Variants in SNX30 observed in about 807,000 individuals in gnomAD.
SNX30 encodes the protein sorting nexin family member 30.
SNX30 carries 24 observed loss-of-function variants against 46.4 expected under a neutral mutation model. The observed-to-expected ratio is 0.52, with a 90% CI of 0.37 to 0.73. The LOEUF (loss-of-function observed/expected upper bound fraction) is 0.73, where lower values mean the gene tolerates loss of function less well. Ranked by LOEUF, SNX30 falls within the 30% of genes least tolerant of loss-of-function variation. The probability of loss-of-function intolerance (pLI) is 0.00; values close to 1 mark genes in which losing one functional copy is unlikely to be tolerated. For synonymous variants in SNX30, 189 were observed against 211.5 expected, an observed-to-expected ratio of 0.89 and a Z score of 0.92; for missense variants, 533 against 555.7, an observed-to-expected ratio of 0.96 and a Z score of 0.41.
chr9:112,785,383 GTT>G (rs5900016), intron 1 of SNX30, among the ~76,000 whole-genome samples: 1,399 of 124,828 alleles, frequency 0.011, 12 homozygotes, highest in Non-Finnish European at 0.016. Context: ...GCCTGGCTAA[GTT>G]TTTTTTTTTT....
intron 1 of SNX30, among the ~76,000 whole-genome samples, chr9:112,769,626 G>T (rs1341059856): frequency 1.3e-5 from 2 of 152,120 alleles, no homozygotes; most frequent in Non-Finnish European, 2.9e-5. Context: ...TGTCTCCTTG[G>T]CTGGTTCCGT....
In SNX30 at chr9:112,864,976, C is replaced by T. The variant is rs574875232; in HGVS notation, c.1254+577C>T. On this transcript the variant is annotated intron_variant, in intron 8 of 8. Coordinates refer to ENST00000374232, the MANE Select transcript of SNX30 (RefSeq NM_001012994.2). ...CCCCTTGACCAGGTTAAGCAGCGCACGCACATGCGCGTGCACACACACACA... is the reference window on the plus strand; with the variant it reads ...CCCCTTGACCAGGTTAAGCAGCGCATGCACATGCGCGTGCACACACACACA... Among the ~76,000 whole-genome samples the T allele has an allele frequency of 3.2e-4, 33 of 103,932 alleles. 1 individual carries two copies. In the South Asian group the frequency reaches 1.0e-2, roughly 31 times the overall value. The allele number at this position is 103,932 out of a possible 152,430, so 68.2% of individuals were successfully genotyped here. A position where few individuals can be genotyped will look rare whatever the true frequency, so the allele number is the denominator to read the frequency against.
intron 6 of SNX30, among the ~76,000 whole-genome samples, chr9:112,849,127 A>T (rs1338965847): frequency 2.6e-5 from 4 of 152,150 alleles, no homozygotes; most frequent in Non-Finnish European, 5.9e-5. Context: ...TAAGCATCCC[A>T]CATGGCCCCT....
At chr9:112,883,695 CTTTTCTT>C (rs1564304279), downstream of SNX30, among the ~76,000 whole-genome samples, 1 of 111,232 alleles carries the variant, frequency 9.0e-6, no homozygotes, top group Non-Finnish European at 1.7e-5. Flanking sequence ...TTTCTTTTTT[CTTTTCTT>C]TTTTTTTTTT....
rs774396433 is a variant in SNX30, at chr9:112,836,369, C to T, written c.774C>T (p.Thr258=). The T allele has an allele frequency of 2.5e-6, 4 of 1,606,574 alleles. No individual in the cohort carries two copies. The highest frequency in any genetic ancestry group is 1.3e-5 in the African/African-American group (1 of 74,840). ...ATACATTTGCACTCAAACTGGGAACCATTGATCGAATAGCCCAGCGGATCA... is the reference window on the plus strand; with the variant it reads ...ATACATTTGCACTCAAACTGGGAACTATTGATCGAATAGCCCAGCGGATCA... The part of the protein sequence containing the change: ...YLDTFALKLG[T]IDRIAQRIIK... The change falls in exon 5 of 9, where the codon ACC becomes ACT. Residue 258 remains threonine, a synonymous_variant. Coordinates refer to ENST00000374232, the MANE Select transcript of SNX30 (RefSeq NM_001012994.2).
intron 8 of SNX30, 31 bp from the exon 9 acceptor site, chr9:112,868,753 C>A: frequency 3.1e-6 from 5 of 1,613,200 alleles, no homozygotes; most frequent in Non-Finnish European, 3.4e-6. Flanking sequence ...AAACTCAAAG[C>A]TGATACTGTG....
At chr9:112,806,217 TG>T (rs1262741978) in intron 2 of SNX30, among the ~76,000 whole-genome samples, 1 of 152,114 alleles carries the variant, frequency 6.6e-6, no homozygotes, top group Non-Finnish European at 1.5e-5. Context: ...CATTGCCAAA[TG>T]TTCCCTGGGG....
intron 8 of SNX30, among the ~76,000 whole-genome samples, chr9:112,865,657 A>ATGTGTGTGTGTGTGTGTGTGTGTG (rs1399648106): frequency 7.4e-5 from 6 of 81,428 alleles, no homozygotes; most frequent in Non-Finnish European, 1.2e-4. Flanking sequence ...ATATATATAT[A>ATGTGTGTGTGTGTGTGTGTGTGTG]TATATGTATG....
At chr9:112,781,798 A>ATT (rs34248700) in intron 1 of SNX30, among the ~76,000 whole-genome samples, 12 of 139,690 alleles carry the variant, frequency 8.6e-5, no homozygotes, top group East Asian at 4.2e-4. Context: ...CGCTTGGCTA[A>ATT]TTTTTTTTTT....
chr9:112,863,208 T>C (rs1017297710), intron 7 of SNX30, among the ~76,000 whole-genome samples: 5 of 152,140 alleles, frequency 3.3e-5, no homozygotes, highest in Non-Finnish European at 7.4e-5. Flanking sequence ...ACCTCCTCGA[T>C]TGGTGGAAGT....
At chr9:112,752,611 A>G (rs909556765) in intron 1 of SNX30, among the ~76,000 whole-genome samples, 10 of 152,222 alleles carry the variant, frequency 6.6e-5, no homozygotes, top group Admixed American at 6.5e-4. Context: ...TCTCCAAAAA[A>G]TGTTGAATAA....
Position 112,774,722 on chromosome 9 carries a change from C to G in SNX30, c.156+23565C>G, listed in dbSNP as rs1027569979. Among the ~76,000 whole-genome samples the G allele has an allele frequency of 3.3e-5, 5 of 152,114 alleles. No homozygotes were observed. In the East Asian group the frequency reaches 9.6e-4, roughly 29 times the overall value. Reference sequence around the variant, plus strand: ...CATGATTACTAATGATGCTGAGCCTCTTTCACATGCAAATTGGCTATTCTG... The same window carrying G: ...CATGATTACTAATGATGCTGAGCCTGTTTCACATGCAAATTGGCTATTCTG... On this transcript the variant is annotated intron_variant, in intron 1 of 8. Transcript: ENST00000374232.
At chr9:112,775,104 T>C in intron 1 of SNX30, among the ~76,000 whole-genome samples, 1 of 151,692 alleles carries the variant, frequency 6.6e-6, no homozygotes, top group East Asian at 1.9e-4. Flanking sequence ...CCTCCCAAAG[T>C]GCTGTGATTA....
At chr9:112,787,573 C>T (rs1033544589) in intron 1 of SNX30, among the ~76,000 whole-genome samples, 22 of 151,990 alleles carry the variant, frequency 1.4e-4, no homozygotes, top group Non-Finnish European at 2.4e-4. Flanking sequence ...TAGAATCTGT[C>T]GTGATTTTTT....
chr9:112,828,321 C>T (rs1428854899), intron 3 of SNX30, among the ~76,000 whole-genome samples: 1 of 151,734 alleles, frequency 6.6e-6, no homozygotes, highest in Non-Finnish European at 1.5e-5. Context: ...TTACAATTGT[C>T]TACAGTAGTC....
At chr9:112,857,123 C>G (rs1339954056) in intron 7 of SNX30, among the ~76,000 whole-genome samples, 1 of 152,210 alleles carries the variant, frequency 6.6e-6, no homozygotes. Flanking sequence ...GTGCGTGTGG[C>G]CTTCCCTGGG....
chr9:112,763,364 T>C (rs868749553), intron 1 of SNX30, among the ~76,000 whole-genome samples: 4 of 115,110 alleles, frequency 3.5e-5, no homozygotes, highest in African/African-American at 1.4e-4. Context: ...TTTAAACTTT[T>C]TTTTTTTTTT....
In SNX30 at chr9:112,850,938, G is replaced by A. The variant is rs145898477; in HGVS notation, c.1094G>A (p.Arg365His). The change falls in exon 7 of 9, where the codon CGC (arginine) becomes CAC (histidine). Residue 365 changes from arginine to histidine, a missense_variant. This residue lies in a region of SNX30 where 261 missense variants were observed against 270.9 expected (regional missense o/e 0.96). Coordinates refer to ENST00000374232, the MANE Select transcript of SNX30 (RefSeq NM_001012994.2). ...GCTGTGGCTCTGCGGAAGGAAGACC[G>A]CCCCAAGGTCAGGGAAGCCACCTGG... is the stretch of plus-strand genomic sequence containing the variant. ...LEAVALRKED[R>H]PKVPADVEKC... 53 of 1,613,746 alleles carry A rather than the reference G, an allele frequency of 3.3e-5. No homozygotes were observed. The highest frequency in any genetic ancestry group is 8.3e-5 in the Admixed American group (5 of 59,980).
chr9:112,758,338 T>C (rs1318465179), intron 1 of SNX30, among the ~76,000 whole-genome samples: 1 of 149,644 alleles, frequency 6.7e-6, no homozygotes, highest in Non-Finnish European at 1.5e-5. Flanking sequence ...CGCTCTCTCT[T>C]TTTTTTTTTG....
Sources: gnomAD v4.1 joint callset for allele counts (sites outside exome capture counted in the v4.1 genomes callset) on GRCh38, gnomAD v4.1.1 for gene constraint, gnomAD v4.1.1 regional missense constraint, MANE v1.5 for transcripts, NCBI Gene and HGNC (gene_info 2026-07-23, HGNC 2026-07-21) for gene names.